CDH12: variants seen among roughly 807,000 people sequenced by gnomAD.
The protein encoded by CDH12 is cadherin 12, also known as cadherin-12.
In CDH12, 41 loss-of-function variants were observed where a neutral mutation model predicts 74.1. The observed-to-expected ratio is 0.55, with a 90% CI of 0.43 to 0.72. CDH12 has a LOEUF of 0.72. CDH12 is among the 30% of genes least tolerant of loss of function. CDH12 has a pLI of 0.00. For synonymous variants in CDH12, 399 were observed against 355.0 expected (o/e 1.12, Z -1.39); for missense variants, 945 against 977.2 (o/e 0.97, Z 0.44).
chr5:22,553,412 A>G (rs1176539789), intron 1 of CDH12, among the ~76,000 whole-genome samples: 1 of 152,156 alleles, frequency 6.6e-6, no homozygotes, highest in Non-Finnish European at 1.5e-5. Flanking sequence ...AGCACCCTAA[A>G]GTAGAAGAGA....
chr5:22,484,456 C>A (rs1173106767), intron 2 of CDH12, among the ~76,000 whole-genome samples: 1 of 152,154 alleles, frequency 6.6e-6, no homozygotes, highest in Non-Finnish European at 1.5e-5. Flanking sequence ...GTTGCACACT[C>A]CTTCAGTTTG....
intron 4 of CDH12, among the ~76,000 whole-genome samples, chr5:22,132,134 G>C (rs1361953602): frequency 6.6e-6 from 1 of 151,924 alleles, no homozygotes; most frequent in Non-Finnish European, 1.5e-5. Context: ...ACAGATACAG[G>C]TATAGATAAA....
intron 5 of CDH12, among the ~76,000 whole-genome samples, chr5:22,007,084 A>G (rs967609813): frequency 3.9e-5 from 6 of 152,178 alleles, no homozygotes; most frequent in African/African-American, 1.4e-4. Flanking sequence ...AAGTCACTAA[A>G]TTAATTGTTT....
intron 4 of CDH12, among the ~76,000 whole-genome samples, chr5:22,185,062 T>C (rs1475599628): frequency 6.6e-6 from 1 of 152,166 alleles, no homozygotes; most frequent in Non-Finnish European, 1.5e-5. Context: ...CGTCCATGTG[T>C]TCTCATCATT....
intron 5 of CDH12, among the ~76,000 whole-genome samples, chr5:22,025,394 C>T (rs1367207494): frequency 6.6e-6 from 1 of 152,036 alleles, no homozygotes; most frequent in African/African-American, 2.4e-5. Context: ...TCATGCTATA[C>T]TATATTAAGA....
intron 9 of CDH12, among the ~76,000 whole-genome samples, chr5:21,814,240 T>C (rs1158212927): frequency 1.3e-5 from 2 of 151,836 alleles, no homozygotes; most frequent in Non-Finnish European, 2.9e-5. Flanking sequence ...TCTATTTTAA[T>C]AAAAGTATTA....
chr5:22,117,479 T>TATATATATATATTATATATATATA (rs1745209419), intron 4 of CDH12, among the ~76,000 whole-genome samples: 1 of 55,056 alleles, frequency 1.8e-5, no homozygotes, highest in Non-Finnish European at 3.3e-5. Flanking sequence ...ATATATATAT[T>TATATATATATATTATATATATATA]ATATATATAT....
intron 4 of CDH12, among the ~76,000 whole-genome samples, chr5:22,128,014 G>T (rs2150283746): frequency 6.6e-6 from 1 of 151,958 alleles, no homozygotes; most frequent in Admixed American, 6.6e-5. Context: ...TTTTATGAAA[G>T]CTATAGGTTG....
intron 4 of CDH12, among the ~76,000 whole-genome samples, chr5:22,169,942 C>T: frequency 6.6e-6 from 1 of 151,792 alleles, no homozygotes; most frequent in African/African-American, 2.4e-5. Flanking sequence ...CCATATATTC[C>T]TATGAGGGTC....
At chr5:22,706,647 C>G (rs962436320) in intron 1 of CDH12, among the ~76,000 whole-genome samples, 2 of 151,944 alleles carry the variant, frequency 1.3e-5, no homozygotes, top group Non-Finnish European at 2.9e-5. Context: ...TTAGTTAGCT[C>G]TTAATCCACA....
At chr5:22,095,843 T>C (rs910024739) in intron 4 of CDH12, among the ~76,000 whole-genome samples, 2 of 151,428 alleles carry the variant, frequency 1.3e-5, no homozygotes, top group African/African-American at 4.9e-5. Context: ...CTCTTATCTC[T>C]GCGCCCCGAT....
At chr5:22,011,500 A>G (rs1264083446) in intron 5 of CDH12, among the ~76,000 whole-genome samples, 16 of 152,158 alleles carry the variant, frequency 1.1e-4, no homozygotes, top group Non-Finnish European at 2.1e-4. Context: ...TGTCCATTTA[A>G]CTTCTGGAAG....
At chr5:22,058,597 T>G (rs1445421367) in intron 5 of CDH12, among the ~76,000 whole-genome samples, 1 of 151,670 alleles carries the variant, frequency 6.6e-6, no homozygotes, top group Non-Finnish European at 1.5e-5. Flanking sequence ...GCCCCTATTA[T>G]TTCCTAAATT....
chr5:22,651,651 G>C (rs1739745005), intron 1 of CDH12, among the ~76,000 whole-genome samples: 1 of 151,336 alleles, frequency 6.6e-6, no homozygotes, highest in Non-Finnish European at 1.5e-5. Context: ...GATTTGGGTG[G>C]AGACACAAAG....
intron 1 of CDH12, among the ~76,000 whole-genome samples, chr5:22,566,388 C>T (rs996005995): frequency 6.6e-6 from 1 of 152,000 alleles, no homozygotes; most frequent in Non-Finnish European, 1.5e-5. Flanking sequence ...CAGGCATGCA[C>T]CACCAAGCTC....
intron 5 of CDH12, among the ~76,000 whole-genome samples, chr5:21,999,580 T>C (rs1445424594): frequency 6.6e-6 from 1 of 152,088 alleles, no homozygotes; most frequent in African/African-American, 2.4e-5. Context: ...TTCTATAATG[T>C]TCGTGATAAA....
At chr5:22,178,212 T>A (rs1451984136) in intron 4 of CDH12, among the ~76,000 whole-genome samples, 2 of 152,166 alleles carry the variant, frequency 1.3e-5, no homozygotes, top group African/African-American at 2.4e-5. Flanking sequence ...CTATTTAGAT[T>A]TCAGATTAGA....
chr5:21,975,820 C>T (rs1268471957), intron 5 of CDH12, among the ~76,000 whole-genome samples: 1 of 151,994 alleles, frequency 6.6e-6, no homozygotes, highest in Non-Finnish European at 1.5e-5. Context: ...TCTTCTGTAT[C>T]CCTTTGGGAT....
At chr5:22,713,889 A>G (rs1183269585) in intron 1 of CDH12, among the ~76,000 whole-genome samples, 1 of 152,210 alleles carries the variant, frequency 6.6e-6, no homozygotes, top group African/African-American at 2.4e-5. Flanking sequence ...TTACCAATGT[A>G]TCACTGAGTT....
Sources: allele counts gnomAD v4.1 joint callset (sites outside exome capture counted in the v4.1 genomes callset), GRCh38; gene constraint gnomAD v4.1.1; transcripts MANE v1.5; gene names NCBI Gene and HGNC (gene_info 2026-07-23, HGNC 2026-07-21).